The following ME3 variants were observed in gnomAD, a reference collection of about 807,000 sequenced individuals.
The protein encoded by ME3 is malic enzyme 3.
In ME3, 48 loss-of-function variants were observed where a neutral mutation model predicts 68.9. The ratio of observed to expected loss-of-function variants is 0.70; its 90% confidence interval spans 0.55 to 0.89. The LOEUF (loss-of-function observed/expected upper bound fraction) is 0.89. Ranked by LOEUF, ME3 falls within the 40% of genes least tolerant of loss-of-function variation. The probability of loss-of-function intolerance (pLI) is 0.00; values close to 1 mark genes in which losing one functional copy is unlikely to be tolerated. For synonymous variants in ME3, 320 were observed against 318.8 expected, an observed-to-expected ratio of 1.00 and a Z score of -0.04; for missense variants, 675 against 797.4, an observed-to-expected ratio of 0.85 and a Z score of 1.85.
chr11:86,594,333 C>A lies in ME3; in HGVS notation c.184-34510G>T, dbSNP rs896224980. On this transcript the variant is annotated intron_variant, in intron 2 of 14. Transcript: ENST00000543262. ...GAGATTTTTCTCCTTTGCTCTCTAC[C>A]TCCATATATTCACCTCATCATAAAA... Among the ~76,000 whole-genome samples the A allele has an allele frequency of 3.4e-5, 5 of 145,814 alleles. 1 individual carries two copies. The Admixed American group carries it at 3.7e-4, about 11-fold the overall frequency.
At chr11:86,651,120 C>T (rs1413843163) in intron 2 of ME3, among the ~76,000 whole-genome samples, 2 of 152,328 alleles carry the variant, frequency 1.3e-5, no homozygotes, top group African/African-American at 4.8e-5. Flanking sequence ...GTGGAGACCA[C>T]CACAGCTCAA....
chr11:86,523,936 G>A (rs757152592), intron 4 of ME3, among the ~76,000 whole-genome samples: 1 of 152,208 alleles, frequency 6.6e-6, no homozygotes, highest in African/African-American at 2.4e-5. Context: ...AGTTAATGTA[G>A]TTTCAGCTGT....
At chr11:86,545,465 CAA>C (rs1252663339) in intron 4 of ME3, among the ~76,000 whole-genome samples, 1 of 152,234 alleles carries the variant, frequency 6.6e-6, no homozygotes, top group African/African-American at 2.4e-5. Flanking sequence ...GCAACTTCAG[CAA>C]AGTCTCAGGA....
chr11:86,574,545 G>C (rs554869332), intron 2 of ME3, among the ~76,000 whole-genome samples: 284 of 152,256 alleles, frequency 1.9e-3, no homozygotes, highest in African/African-American at 6.7e-3. Flanking sequence ...TGTTCACCTG[G>C]GTATCACCAG....
chr11:86,561,324 T>C (rs1201191360), intron 2 of ME3, among the ~76,000 whole-genome samples: 1 of 152,154 alleles, frequency 6.6e-6, no homozygotes, highest in Non-Finnish European at 1.5e-5. Context: ...TCTCCAAGGA[T>C]CCCCAATTCC....
At chr11:86,561,755 A>G (rs1565142476) in intron 2 of ME3, among the ~76,000 whole-genome samples, 1 of 152,206 alleles carries the variant, frequency 6.6e-6, no homozygotes. Flanking sequence ...GGTTATGTGC[A>G]GTTCCTTTTG....
intron 2 of ME3, among the ~76,000 whole-genome samples, chr11:86,640,449 C>T (rs1294680760): frequency 6.6e-6 from 1 of 152,162 alleles, no homozygotes; most frequent in Non-Finnish European, 1.5e-5. Flanking sequence ...GGCTGTGGTC[C>T]CAATATTTGA....
chr11:86,464,486 G>C (rs1330615685), intron 8 of ME3, among the ~76,000 whole-genome samples: 1 of 152,162 alleles, frequency 6.6e-6, no homozygotes, highest in Non-Finnish European at 1.5e-5. Context: ...GAAGGCTCTG[G>C]GTTCTTGGTG....
At chr11:86,468,785 A>G (rs1950623550) in intron 7 of ME3, among the ~76,000 whole-genome samples, 1 of 152,194 alleles carries the variant, frequency 6.6e-6, no homozygotes. Flanking sequence ...AATGCTAACA[A>G]CAATGGTAAA....
At chr11:86,508,941 T>G in intron 4 of ME3, 74 bp from the exon 5 acceptor site, 1 of 1,199,724 alleles carries the variant, frequency 8.3e-7, no homozygotes, top group Non-Finnish European at 1.2e-6. Context: ...TCCATAGTAC[T>G]AGGTATTGCA....
intron 2 of ME3, among the ~76,000 whole-genome samples, chr11:86,623,749 T>C (rs575935043): frequency 1.2e-4 from 19 of 152,342 alleles, no homozygotes; most frequent in Admixed American, 2.6e-4. Context: ...ATTTCACAGT[T>C]ACCTCTGAGG....
chr11:86,671,519 G>C (rs1946940783), intron 2 of ME3, among the ~76,000 whole-genome samples: 1 of 152,232 alleles, frequency 6.6e-6, no homozygotes, highest in African/African-American at 2.4e-5. Context: ...TCTAAACCTG[G>C]TCTGTGTTGT....
At chr11:86,539,491 A>G (rs1272525762) in intron 4 of ME3, among the ~76,000 whole-genome samples, 1 of 152,190 alleles carries the variant, frequency 6.6e-6, no homozygotes, top group East Asian at 1.9e-4. Flanking sequence ...ATCAATGAAT[A>G]TCCTTATTTC....
intron 2 of ME3, among the ~76,000 whole-genome samples, chr11:86,602,306 A>C (rs1960829021): frequency 6.8e-6 from 1 of 147,402 alleles, no homozygotes; most frequent in African/African-American, 2.5e-5. Flanking sequence ...CTTATACACC[A>C]ATAACAGACA....
chr11:86,500,759 C>T (rs1334587759), intron 5 of ME3, among the ~76,000 whole-genome samples: 2 of 152,178 alleles, frequency 1.3e-5, no homozygotes. Flanking sequence ...TGCCTACCAC[C>T]TCTCCATCTC....
At chr11:86,504,011 G>A (rs950189867) in intron 5 of ME3, among the ~76,000 whole-genome samples, 1 of 152,198 alleles carries the variant, frequency 6.6e-6, no homozygotes, top group African/African-American at 2.4e-5. Context: ...CCTCCTTCCT[G>A]AAAAGCAAGT....
At chr11:86,479,855 C>A (rs1165347961) in intron 7 of ME3, among the ~76,000 whole-genome samples, 2 of 151,370 alleles carry the variant, frequency 1.3e-5, no homozygotes, top group Non-Finnish European at 2.9e-5. Context: ...CACTCTGTCG[C>A]CCAGGCTGGA....
chr11:86,549,589 G>A (rs546738094), intron 4 of ME3, among the ~76,000 whole-genome samples: 4 of 152,256 alleles, frequency 2.6e-5, no homozygotes, highest in East Asian at 3.9e-4. Context: ...CGGGGTACAC[G>A]GTTACCTAAA....
At chr11:86,512,929 G>A (rs981452789) in intron 4 of ME3, among the ~76,000 whole-genome samples, 1 of 152,160 alleles carries the variant, frequency 6.6e-6, no homozygotes, top group African/African-American at 2.4e-5. Context: ...CAGGGCACAA[G>A]TTTTTCTTTT....
Sources: allele counts gnomAD v4.1 joint callset (sites outside exome capture counted in the v4.1 genomes callset), GRCh38; gene constraint gnomAD v4.1.1; transcripts MANE v1.5; gene names NCBI Gene and HGNC (gene_info 2026-07-23, HGNC 2026-07-21).